The following UNC13D variants were observed in gnomAD, a reference collection of about 807,000 sequenced individuals.
UNC13D encodes unc-13 homolog D.
Under a neutral mutation model 151.7 loss-of-function variants are expected in UNC13D, and 115 were observed. That is an observed-to-expected ratio of 0.76 (90% CI 0.65 to 0.88). The LOEUF is 0.88. Among genes scored for constraint, UNC13D ranks in the 40% least tolerant of loss-of-function variants. UNC13D has a pLI of 0.00. For synonymous variants in UNC13D, 588 were observed against 612.2 expected (o/e 0.96, Z 0.58); for missense variants, 1,369 against 1,438.7 (o/e 0.95, Z 0.78).
chr17:75,837,829 T>C (rs7216615), intron 12 of UNC13D, among the ~76,000 whole-genome samples: 70,353 of 151,162 alleles, frequency 0.47, 20,335 homozygotes, highest in African/African-American at 0.83. Flanking sequence ...CAAGCATCAG[T>C]GAGAACTTCC....
chr17:75,835,425 G>T lies in UNC13D; in HGVS notation c.1832C>A (p.Ala611Asp). ...YNEALARVQR[A>D]VQMDELVPLG... Reference sequence around the variant, plus strand: ...CGCCCCCACCTCATCCATCTGCACAGCGCGCTGCACCCGCGCCAGGGCCTC... The same window carrying T: ...CGCCCCCACCTCATCCATCTGCACATCGCGCTGCACCCGCGCCAGGGCCTC... Residue 611 changes from alanine (A) to aspartate (D), a missense_variant, in exon 20 of 32, where the codon GCT (alanine) becomes GAT (aspartate). Around this residue, in one of 3 missense-constraint regions of UNC13D, gnomAD observed 807 missense variants for 795.5 expected, o/e 1.01. Coordinates refer to ENST00000207549, the MANE Select transcript of UNC13D (RefSeq NM_199242.3). 6.2e-7 allele frequency: 1 copy of T among 1,612,568 alleles called. No homozygotes were observed. The highest frequency in any genetic ancestry group is 8.5e-7 in the Non-Finnish European group (1 of 1,179,832).
chr17:75,835,483 C>T lies in UNC13D; in HGVS notation c.1774G>A (p.Ala592Thr), dbSNP rs1285831198. 3 of 1,611,694 alleles carry T rather than the reference C, an allele frequency of 1.9e-6. No homozygotes were observed. The highest frequency in any genetic ancestry group is 2.5e-6 in the Non-Finnish European group (3 of 1,179,116). The change falls in exon 20 of 32, where the codon GCC becomes ACC. Residue 592 changes from alanine (A) to threonine (T), a missense_variant. Physicochemically the swap from Ala to Thr is moderately conservative, Grantham distance 58. Around this residue, in one of 3 missense-constraint regions of UNC13D, gnomAD observed 807 missense variants for 795.5 expected, o/e 1.01. Coordinates refer to ENST00000207549, the MANE Select transcript of UNC13D (RefSeq NM_199242.3). ...GTCTTCTGCAGCCAGGAGGGGATGG[C>T]CGGCTGGAACCAGCGGTGGAAATTA... Reference protein sequence around the residue: ...LDNFHRWFQPAIPSWLQKTYN... With the variant: ...LDNFHRWFQPTIPSWLQKTYN...
chr17:75,838,650 C>G (rs1461684703), intron 12 of UNC13D, among the ~76,000 whole-genome samples: 5 of 152,200 alleles, frequency 3.3e-5, no homozygotes, highest in Admixed American at 3.3e-4. Context: ...CGTAGTTTTG[C>G]TGAGTTGAAG....
rs1167221422 is a variant in UNC13D, at chr17:75,833,918, CCGT to C, written c.2367+154_2367+156del. ...GGGACAGCCAGTGGAGTGACCCAAC[CCGT>C]TCCTGTGAGCATCCCAGGAGGAAAC... On this transcript the variant is annotated intron_variant, in intron 24 of 31. Transcript: ENST00000207549. This position sits in a 1 kb window ranked among gnomAD's most constrained non-coding sequence, Gnocchi z 4.0. Among the ~76,000 whole-genome samples, 1 of 152,180 alleles carries C rather than the reference CCGT, an allele frequency of 6.6e-6. No homozygotes were observed. The highest frequency in any genetic ancestry group is 1.5e-5 in the Non-Finnish European group (1 of 68,034).
At position 75,842,595 on chromosome 17, in the gene UNC13D, C is replaced by A. The variant is rs1188800286; in HGVS notation, c.407G>T (p.Cys136Phe). The change falls in exon 6 of 32, where the codon TGC (cysteine) becomes TTC (phenylalanine). Residue 136 changes from cysteine to phenylalanine, a missense_variant. By Grantham distance (205) the Cys-to-Phe change is radical. This residue lies in a region of UNC13D where 550 missense variants were observed against 609.0 expected (regional missense o/e 0.90). Transcript: ENST00000207549. Reference sequence around the variant, plus strand: ...TACCCCCTGCTCAATGCCCAGCAGGCAGTAGGGGTCGCTGAACCCTGTGGA... The same window carrying A: ...TACCCCCTGCTCAATGCCCAGCAGGAAGTAGGGGTCGCTGAACCCTGTGGA... ...KDVSGFSDPY[C>F]LLGIEQGVGV... The A allele has an allele frequency of 7.4e-6, 12 of 1,611,900 alleles. No individual in the cohort carries two copies. The highest frequency in any genetic ancestry group is 2.2e-5 in the East Asian group (1 of 44,860).
Position 75,840,919 on chromosome 17 carries a change from T to C in UNC13D, c.614+38A>G. On this transcript the variant is annotated intron_variant, in intron 7 of 31. Transcript: ENST00000207549. This position sits in a 1 kb window ranked among gnomAD's most constrained non-coding sequence, Gnocchi z 4.6. The stretch of plus-strand genomic sequence containing the variant: ...TTCCGCCTCTCTCACCCCAGATCCC[T>C]TCCCTTCCCATCCCTAGGGGCAGGC... The C allele has an allele frequency of 1.2e-6, 2 of 1,614,020 alleles. No individual in the cohort carries two copies. The highest frequency in any genetic ancestry group is 1.7e-6 in the Non-Finnish European group (2 of 1,179,976).
rs868520874 is a variant in UNC13D, at chr17:75,840,561, G to A, written c.699C>T (p.Ala233=). ...LHGLRRIFKE[A]RKDKGQDDFL... is the part of the protein sequence containing the mutation. The stretch of plus-strand genomic sequence containing the variant: ...AGTCGTCCTGGCCTTTGTCCTTCCG[G>A]GCCTCTTTAAAGATCCTGCGTCAGG... Residue 233 remains alanine, a synonymous_variant, in exon 9 of 32, where the codon GCC becomes GCT. Transcript: ENST00000207549. The surrounding 1 kb of genome is among the most constrained non-coding windows in gnomAD (Gnocchi z 4.6). 3.1e-6 allele frequency: 5 copies of A among 1,613,922 alleles called. No homozygotes were observed. The African/African-American group carries it at 6.7e-5, about 22-fold the overall frequency.
At position 75,836,874 on chromosome 17, in the gene UNC13D, G is replaced by T. The variant is rs1370992799; in HGVS notation, c.1100C>A (p.Pro367His). The change falls in exon 13 of 32, where the codon CCC becomes CAC. Residue 367 changes from proline to histidine, a missense_variant. Pro to His is a moderately conservative substitution (Grantham distance 77). Around this residue, in one of 3 missense-constraint regions of UNC13D, gnomAD observed 550 missense variants for 609.0 expected, o/e 0.90. Transcript: ENST00000207549. ...GATGGGGTGCAGGAGGCAGCTGCTG[G>T]GGAACTCCAGGCTCTGGTAGAGGCG... ...YSRLYQSLEF[P>H]SSCLLHPITS... The T allele has an allele frequency of 1.2e-6, 2 of 1,613,786 alleles. No individual in the cohort carries two copies. The highest frequency in any genetic ancestry group is 4.5e-5 in the East Asian group (2 of 44,884).
chr17:75,828,209 C>T (rs536491102), intron 31 of UNC13D, 123 bp from the exon 32 acceptor site: 13 of 1,422,832 alleles, frequency 9.1e-6, no homozygotes, highest in Middle Eastern at 2.0e-4. Context: ...TGGAAGGAAA[C>T]AAGTGACAGA....
In UNC13D at chr17:75,827,946, C is replaced by G; in HGVS notation, c.*19G>C. Reference sequence around the variant, plus strand: ...GCAAGTCCCCACCGGGGACCCAGCCCCACCGCAAACCTCTACGGCTACGGT... The same window carrying G: ...GCAAGTCCCCACCGGGGACCCAGCCGCACCGCAAACCTCTACGGCTACGGT... On this transcript the variant is annotated 3_prime_UTR_variant, in exon 32 of 32. Transcript: ENST00000207549. 3.1e-6 allele frequency: 5 copies of G among 1,608,362 alleles called. No individual in the cohort carries two copies. The highest frequency in any genetic ancestry group is 2.2e-4 in the Middle Eastern group (1 of 4,644).
In UNC13D at chr17:75,842,555, GC is replaced by G. The variant is rs758813224; in HGVS notation, c.446del (p.Gly149AlafsTer13). The G allele has an allele frequency of 1.9e-6, 3 of 1,611,814 alleles. No homozygotes were observed. Among genetic ancestry groups the G allele is most frequent in the African/African-American group, 1.3e-5 (1 of 75,038 alleles). ...GIEQGVGVPG[G>X]SPGSRHRQKA... The stretch of plus-strand genomic sequence containing the variant: ...TCTGCCGATGCCGGGACCCGGGGCT[GC>G]CCCCTGGCACACCTACCCCCTGCTC... On this transcript the variant is annotated frameshift_variant, in exon 6 of 32. Coordinates refer to ENST00000207549, the MANE Select transcript of UNC13D (RefSeq NM_199242.3). LOFTEE classifies it high-confidence loss of function.
At position 75,840,480 on chromosome 17, in the gene UNC13D, C is replaced by T. The variant is rs767955418; in HGVS notation, c.753+27G>A. 2.5e-6 allele frequency: 4 copies of T among 1,613,936 alleles called. No individual in the cohort carries two copies. The South Asian group carries it at 3.3e-5, about 13-fold the overall frequency. ...CCAACCCCCTCCCTCTGCCTCGCTCCTGGGCCCCTTTCCTCATCCTCCTCA... is the reference window on the plus strand; with the variant it reads ...CCAACCCCCTCCCTCTGCCTCGCTCTTGGGCCCCTTTCCTCATCCTCCTCA... On this transcript the variant is annotated intron_variant, in intron 9 of 31. Coordinates refer to ENST00000207549, the MANE Select transcript of UNC13D (RefSeq NM_199242.3). This position sits in a 1 kb window ranked among gnomAD's most constrained non-coding sequence, Gnocchi z 4.6.
Position 75,840,263 on chromosome 17 carries a change from C to G in UNC13D, c.820G>C (p.Gly274Arg), listed in dbSNP as rs1266643547. Residue 274 changes from glycine (G) to arginine (R), a missense_variant, in exon 10 of 32, where the codon GGC (glycine) becomes CGC (arginine). Around this residue, in one of 3 missense-constraint regions of UNC13D, gnomAD observed 550 missense variants for 609.0 expected, o/e 0.90. Transcript: ENST00000207549. This position sits in a 1 kb window ranked among gnomAD's most constrained non-coding sequence, Gnocchi z 4.6. ...EPRTETYPDR[G>R]QCHLQFQLIH... ...AGTTGGAACTGGAGGTGGCACTGGC[C>G]TCGGTCTGGGTAGGTCTCAGTGCGG... 6.2e-7 allele frequency: 1 copy of G among 1,613,920 alleles called. No individual in the cohort carries two copies. Among genetic ancestry groups the G allele is most frequent in the Non-Finnish European group, 8.5e-7 (1 of 1,180,044 alleles).
chr17:75,838,041 C>T lies in UNC13D; in HGVS notation c.1056-1123G>A, dbSNP rs866256154. ...GTCTCCAGCCGCACCACCATTCCAC[C>T]CTTGTCTCCGAATCACCCACCTGCC... On this transcript the variant is annotated intron_variant, in intron 12 of 31. Transcript: ENST00000207549. Among the ~76,000 whole-genome samples the T allele has an allele frequency of 5.3e-5, 8 of 152,198 alleles. No individual in the cohort carries two copies. In the South Asian group the frequency reaches 1.2e-3, roughly 24 times the overall value.
chr17:75,829,441 G>A (rs918456268), intron 30 of UNC13D, among the ~76,000 whole-genome samples: 1 of 149,070 alleles, frequency 6.7e-6, no homozygotes, highest in African/African-American at 2.5e-5. Context: ...GACTGCAGGC[G>A]TGTCCCACCA....
intron 25 of UNC13D, 48 bp from the exon 26 acceptor site, chr17:75,831,396 C>A (rs374459513): frequency 6.4e-7 from 1 of 1,554,350 alleles, no homozygotes; most frequent in South Asian, 1.1e-5. Context: ...AGGGCGGTGG[C>A]GGAGGAGGAA....
chr17:75,830,294 C>A, intron 29 of UNC13D, 68 bp downstream of exon 29: 1 of 1,572,552 alleles, frequency 6.4e-7, no homozygotes, highest in East Asian at 2.3e-5. Context: ...AGCGAAGCCC[C>A]CAGGGTCGCT....
At chr17:75,828,262 C>T (rs1206700135) in intron 31 of UNC13D, among the ~76,000 whole-genome samples, 176 bp from the exon 32 acceptor site, 6 of 152,210 alleles carry the variant, frequency 3.9e-5, no homozygotes, top group African/African-American at 7.2e-5. Context: ...CAGACGCATC[C>T]GGTCGGGTCG....
Position 75,833,157 on chromosome 17 carries a change from C to T in UNC13D, c.2368-112G>A. 9.2e-7 allele frequency: 1 copy of T among 1,086,106 alleles called. No individual in the cohort carries two copies. Among genetic ancestry groups the T allele is most frequent in the East Asian group, 2.7e-5 (1 of 37,610 alleles). The allele number at this position is 1,086,106 out of a possible 1,614,324, so 67.3% of individuals were successfully genotyped here. A position where few individuals can be genotyped will look rare whatever the true frequency, so the allele number is the denominator to read the frequency against. ...AGGGCTGGGAACCGTTCTGTGAGAG[C>T]AGTTTGTAGTGTCTGTAAGAGGCCG... is the stretch of plus-strand genomic sequence containing the variant. On this transcript the variant is annotated intron_variant, in intron 24 of 31. Transcript: ENST00000207549. This position sits in a 1 kb window ranked among gnomAD's most constrained non-coding sequence, Gnocchi z 4.0.
Sources: gnomAD v4.1 joint callset for allele counts (sites outside exome capture counted in the v4.1 genomes callset) on GRCh38, gnomAD v4.1.1 for gene constraint, gnomAD v4.1.1 regional missense constraint, Gnocchi (gnomAD v3.1) non-coding constraint, MANE v1.5 for transcripts, NCBI Gene and HGNC (gene_info 2026-07-23, HGNC 2026-07-21) for gene names.